SORCS3: variants seen among roughly 807,000 people sequenced by gnomAD.
SORCS3 encodes VPS10 domain-containing receptor SorCS3.
A neutral mutation model predicts 146.3 loss-of-function variants in SORCS3; 57 were observed. The observed-to-expected ratio is 0.39, with a 90% CI of 0.31 to 0.49. The LOEUF is 0.49. SORCS3 is among the 20% of genes least tolerant of loss of function. The pLI is 0.92. For synonymous variants in SORCS3, 653 were observed against 618.5 expected (o/e 1.06, Z -0.83); for missense variants, 1,341 against 1,575.5 (o/e 0.85, Z 2.52).
chr10:105,238,115 A>G (rs1037515170), intron 20 of SORCS3, among the ~76,000 whole-genome samples: 18 of 152,236 alleles, frequency 1.2e-4, no homozygotes, highest in African/African-American at 3.9e-4. Context: ...ATAAGCAAAC[A>G]GGAAAGAGCA....
At chr10:105,122,244 C>T (rs1162721628) in intron 7 of SORCS3, among the ~76,000 whole-genome samples, 1 of 152,194 alleles carries the variant, frequency 6.6e-6, no homozygotes, top group African/African-American at 2.4e-5. Flanking sequence ...AGAGTTTCAG[C>T]TTTAAAAAAT....
At chr10:104,973,090 G>A (rs909346642) in intron 3 of SORCS3, among the ~76,000 whole-genome samples, 95 of 151,642 alleles carry the variant, frequency 6.3e-4, no homozygotes, top group African/African-American at 2.2e-3. Flanking sequence ...TGCTGGATTC[G>A]TTTTGCCAGT....
intron 7 of SORCS3, among the ~76,000 whole-genome samples, chr10:105,137,537 A>G (rs1221620869): frequency 6.6e-6 from 1 of 152,176 alleles, no homozygotes; most frequent in Non-Finnish European, 1.5e-5. Context: ...TAAACACAGA[A>G]TTCAGGAACA....
At chr10:104,896,232 T>C (rs1357928132) in intron 2 of SORCS3, among the ~76,000 whole-genome samples, 1 of 152,054 alleles carries the variant, frequency 6.6e-6, no homozygotes, top group East Asian at 1.9e-4. Context: ...AGTTGTCAGT[T>C]CCCCTCTTTG....
At chr10:105,199,496 C>A (rs2119612086) in intron 14 of SORCS3, among the ~76,000 whole-genome samples, 1 of 152,200 alleles carries the variant, frequency 6.6e-6, no homozygotes, top group Middle Eastern at 3.4e-3. Context: ...TTGCAGTTGG[C>A]AAAGTTGTAC....
rs190572412 is a variant in SORCS3, at chr10:105,193,464, G to A, written c.2010-6535G>A. Among the ~76,000 whole-genome samples the A allele has an allele frequency of 4.3e-3, 654 of 152,208 alleles. 7 individuals are homozygous for A. The highest frequency in any genetic ancestry group is 0.015 in the African/African-American group (639 of 41,508). ...AGTACCAGTGCAGACAAAGATGAATGACTGTAATAGATAAATCCTTTGTGT... is the reference window on the plus strand; with the variant it reads ...AGTACCAGTGCAGACAAAGATGAATAACTGTAATAGATAAATCCTTTGTGT... On this transcript the variant is annotated intron_variant, in intron 14 of 26. Transcript: ENST00000369701.
intron 3 of SORCS3, among the ~76,000 whole-genome samples, chr10:104,947,471 G>A (rs1324676824): frequency 6.6e-6 from 1 of 152,070 alleles, no homozygotes; most frequent in Non-Finnish European, 1.5e-5. Flanking sequence ...AAGCACAAAG[G>A]CTCTCTGAAC....
At chr10:104,665,432 T>A (rs535622679) in intron 1 of SORCS3, 2 of 152,336 alleles carry the variant, frequency 1.3e-5, no homozygotes, top group Admixed American at 1.3e-4. Context: ...GAACAGGGTC[T>A]ATTCCACGGC....
chr10:105,250,504 T>C (rs2056892389), intron 22 of SORCS3, among the ~76,000 whole-genome samples: 1 of 152,162 alleles, frequency 6.6e-6, no homozygotes, highest in Non-Finnish European at 1.5e-5. Context: ...AATGAATCTG[T>C]ATACACTGCT....
intron 5 of SORCS3, among the ~76,000 whole-genome samples, chr10:105,067,062 ACTCT>A (rs1283362155): frequency 6.6e-6 from 1 of 151,756 alleles, no homozygotes. Flanking sequence ...TCATCCGTTA[ACTCT>A]CTCTTGGTTC....
At chr10:104,800,301 A>C (rs1003705638) in intron 1 of SORCS3, among the ~76,000 whole-genome samples, 13 of 152,186 alleles carry the variant, frequency 8.5e-5, no homozygotes, top group South Asian at 2.1e-4. Flanking sequence ...AGACAGTAAA[A>C]AGATCTATGG....
At chr10:105,077,138 C>G (rs55968524) in intron 5 of SORCS3, among the ~76,000 whole-genome samples, 3,590 of 152,230 alleles carry the variant, frequency 0.024, 136 homozygotes, top group African/African-American at 0.081. Flanking sequence ...TCCACCCTTC[C>G]TTCTTTCCTA....
chr10:105,226,123 T>C (rs1402449880), intron 20 of SORCS3, among the ~76,000 whole-genome samples: 1 of 151,982 alleles, frequency 6.6e-6, no homozygotes, highest in Non-Finnish European at 1.5e-5. Flanking sequence ...ATGGGCATCC[T>C]TATCTTCTTG....
intron 13 of SORCS3, among the ~76,000 whole-genome samples, chr10:105,176,583 C>T (rs545427811): frequency 5.0e-4 from 76 of 151,714 alleles, no homozygotes; most frequent in African/African-American, 1.7e-3. Flanking sequence ...TGGCCAGGCA[C>T]GGTGGCTCAT....
At chr10:104,993,088 C>T (rs193044500) in intron 4 of SORCS3, among the ~76,000 whole-genome samples, 1 of 152,142 alleles carries the variant, frequency 6.6e-6, no homozygotes. Flanking sequence ...CCTGATAACA[C>T]TGACCATGAC....
At chr10:105,249,576 T>C (rs2056887122) in intron 22 of SORCS3, among the ~76,000 whole-genome samples, 1 of 152,146 alleles carries the variant, frequency 6.6e-6, no homozygotes, top group Non-Finnish European at 1.5e-5. Flanking sequence ...AAAGAGACTA[T>C]TCATAGAAAG....
At chr10:104,815,834 T>C (rs10884048) in intron 1 of SORCS3, among the ~76,000 whole-genome samples, 55,889 of 152,084 alleles carry the variant, frequency 0.37, 11,085 homozygotes, top group East Asian at 0.66. Flanking sequence ...ATGAGCATAC[T>C]TTTTGCTGTA....
intron 11 of SORCS3, among the ~76,000 whole-genome samples, chr10:105,160,788 G>C (rs748808408): frequency 2.1e-4 from 32 of 152,098 alleles, no homozygotes; most frequent in Non-Finnish European, 2.9e-4. Flanking sequence ...CCATAAATCC[G>C]ATGCATGCAC....
At chr10:104,905,990 G>A (rs1327146776) in intron 2 of SORCS3, among the ~76,000 whole-genome samples, 1 of 152,168 alleles carries the variant, frequency 6.6e-6, no homozygotes, top group Non-Finnish European at 1.5e-5. Context: ...TTTCTTGAGG[G>A]TAGGAAGGTG....
Sources: gnomAD v4.1 joint callset for allele counts (sites outside exome capture counted in the v4.1 genomes callset) on GRCh38, gnomAD v4.1.1 for gene constraint, MANE v1.5 for transcripts, NCBI Gene and HGNC (gene_info 2026-07-23, HGNC 2026-07-21) for gene names.